Variants in NCOA7 observed in about 807,000 individuals in gnomAD.
The protein encoded by NCOA7 is nuclear receptor coactivator 7.
Under a neutral mutation model 104.3 loss-of-function variants are expected in NCOA7, and 45 were observed. The observed-to-expected ratio is 0.43, with a 90% confidence interval of 0.34 to 0.55. NCOA7 has a LOEUF of 0.55. Among genes scored for constraint, NCOA7 ranks in the 20% least tolerant of loss-of-function variants. The pLI is 0.02. For missense variants in NCOA7, 1,041 were observed against 1,119.7 expected, an observed-to-expected ratio of 0.93 and a Z score of 1.00; for synonymous variants, 398 against 402.3, an observed-to-expected ratio of 0.99 and a Z score of 0.13.
At chr6:125,922,878 T>C in intron 13 of NCOA7, 44 bp downstream of exon 13, 1 of 1,581,078 alleles carries the variant, frequency 6.3e-7, no homozygotes, top group Non-Finnish European at 8.6e-7. Flanking sequence ...TAATAATTTT[T>C]CAAAATTCCC....
chr6:125,837,388 A>T (rs770627513), intron 2 of NCOA7, among the ~76,000 whole-genome samples: 1 of 152,168 alleles, frequency 6.6e-6, no homozygotes, highest in African/African-American at 2.4e-5. Flanking sequence ...TATCAGAGAA[A>T]ATAATTGAAA....
intron 2 of NCOA7, among the ~76,000 whole-genome samples, chr6:125,838,097 G>A (rs1021793222): frequency 3.3e-5 from 5 of 152,098 alleles, no homozygotes; most frequent in African/African-American, 1.2e-4. Context: ...ACTCATAAAA[G>A]GCAGATTAAT....
At chr6:125,890,873 C>T (rs1784576097) in intron 10 of NCOA7, 63 bp downstream of exon 10, 3 of 1,363,596 alleles carry the variant, frequency 2.2e-6, no homozygotes, top group Non-Finnish European at 2.9e-6. Flanking sequence ...TTTTGATATT[C>T]TTTATCTTAA....
intron 3 of NCOA7, among the ~76,000 whole-genome samples, 192 bp from the exon 4 acceptor site, chr6:125,874,697 G>T (rs1783214168): frequency 6.6e-6 from 1 of 152,028 alleles, no homozygotes; most frequent in Non-Finnish European, 1.5e-5. Flanking sequence ...TTTAATTATA[G>T]TTAATATTAA....
intron 2 of NCOA7, among the ~76,000 whole-genome samples, chr6:125,829,599 A>G (rs1007589477): frequency 1.3e-5 from 2 of 152,320 alleles, no homozygotes; most frequent in East Asian, 1.9e-4. Context: ...TGTTTTCTCA[A>G]GTAAACAACC....
Position 125,928,703 on chromosome 6 carries a change from A to G in NCOA7, c.2761A>G (p.Asn921Asp), listed in dbSNP as rs1788265726. ...HGRSNSCSTFNNDILSKKEDF... is the reference protein window; with the variant it reads ...HGRSNSCSTFDNDILSKKEDF... ...ACGAAGCAACTCTTGCAGCACTTTC[A>G]ATAATGATATTCTTTCCAAAAAGGA... is the stretch of plus-strand genomic sequence containing the variant. Residue 921 changes from asparagine (N) to aspartate (D), a missense_variant, in exon 16 of 16, where the codon AAT (asparagine) becomes GAT (aspartate). Transcript: ENST00000392477. 3 of 1,613,812 alleles carry G rather than the reference A, an allele frequency of 1.9e-6. No homozygotes were observed. Among genetic ancestry groups the G allele is most frequent in the Non-Finnish European group, 1.7e-6 (2 of 1,179,978 alleles).
chr6:125,899,556 G>A (rs758053823), intron 10 of NCOA7, among the ~76,000 whole-genome samples: 2 of 152,126 alleles, frequency 1.3e-5, no homozygotes, highest in Non-Finnish European at 2.9e-5. Flanking sequence ...TAAGTTGAAA[G>A]TCACTAGTAA....
At chr6:125,791,955 G>T (rs1375643704) in intron 1 of NCOA7, among the ~76,000 whole-genome samples, 1 of 152,068 alleles carries the variant, frequency 6.6e-6, no homozygotes, top group Non-Finnish European at 1.5e-5. Flanking sequence ...CAGCAATAAG[G>T]CTTAAAGTTT....
upstream of NCOA7, chr6:125,786,026 C>G (rs1426356513): frequency 6.6e-6 from 1 of 152,166 alleles, no homozygotes; most frequent in Non-Finnish European, 1.5e-5. Flanking sequence ...ACATTTTTCT[C>G]AAAACTCAAG....
intron 11 of NCOA7, 107 bp from the exon 12 acceptor site, chr6:125,920,836 C>T (rs1178162351): frequency 2.1e-5 from 29 of 1,405,936 alleles, no homozygotes; most frequent in Middle Eastern, 2.1e-4. Context: ...TTCCTGCTGC[C>T]GAAGCGTCAC....
intron 2 of NCOA7, among the ~76,000 whole-genome samples, chr6:125,852,302 T>C (rs773539043): frequency 1.3e-5 from 2 of 152,100 alleles, no homozygotes; most frequent in Non-Finnish European, 2.9e-5. Flanking sequence ...TTCAAGCGAT[T>C]CTCCTGCCTC....
intron 1 of NCOA7, among the ~76,000 whole-genome samples, chr6:125,783,891 G>A (rs1774342816): frequency 6.6e-6 from 1 of 151,978 alleles, no homozygotes; most frequent in Non-Finnish European, 1.5e-5. Context: ...TTTCCTCATT[G>A]TTTTTGACAA....
chr6:125,823,463 C>A (rs1263295844), intron 2 of NCOA7, among the ~76,000 whole-genome samples: 1 of 152,102 alleles, frequency 6.6e-6, no homozygotes, highest in Non-Finnish European at 1.5e-5. Context: ...GACAGTATTA[C>A]AAATTACTAA....
chr6:125,895,210 T>C (rs1230501918), intron 10 of NCOA7, among the ~76,000 whole-genome samples: 3 of 152,152 alleles, frequency 2.0e-5, no homozygotes, highest in Non-Finnish European at 4.4e-5. Flanking sequence ...GCTTTTAAAA[T>C]AAATAAGATG....
upstream of NCOA7, among the ~76,000 whole-genome samples, chr6:125,789,602 ATC>A (rs1774646939): frequency 6.6e-6 from 1 of 152,204 alleles, no homozygotes; most frequent in Admixed American, 6.5e-5. Context: ...GAAAAAAAAA[ATC>A]CAACATCTTT....
intron 2 of NCOA7, among the ~76,000 whole-genome samples, chr6:125,827,954 T>C: frequency 6.6e-6 from 1 of 152,206 alleles, no homozygotes; most frequent in East Asian, 1.9e-4. Flanking sequence ...AACAACAGTT[T>C]TGAGAGAGTA....
intron 1 of NCOA7, among the ~76,000 whole-genome samples, chr6:125,783,967 G>A (rs1449652924): frequency 6.6e-6 from 1 of 152,128 alleles, no homozygotes; most frequent in African/African-American, 2.4e-5. Context: ...TGGGCATTTA[G>A]ATTGTTTACA....
At chr6:125,921,766 G>A (rs1279890972) in intron 12 of NCOA7, among the ~76,000 whole-genome samples, 2 of 152,148 alleles carry the variant, frequency 1.3e-5, no homozygotes, top group South Asian at 2.1e-4. Flanking sequence ...TACAGCAAAG[G>A]CACTCTACTT....
intron 2 of NCOA7, among the ~76,000 whole-genome samples, chr6:125,830,632 G>A (rs1250327517): frequency 6.6e-6 from 1 of 152,000 alleles, no homozygotes; most frequent in Non-Finnish European, 1.5e-5. Flanking sequence ...GCTTGAGCCT[G>A]AGAAGTCAAG....
Sources: allele counts gnomAD v4.1 joint callset (sites outside exome capture counted in the v4.1 genomes callset), GRCh38; gene constraint gnomAD v4.1.1; transcripts MANE v1.5; gene names NCBI Gene and HGNC (gene_info 2026-07-23, HGNC 2026-07-21).